The following UST variants were observed in gnomAD, a reference collection of about 807,000 sequenced individuals.
UST encodes the protein uronyl 2-sulfotransferase.
A neutral mutation model predicts 45.6 loss-of-function variants in UST; 21 were observed. The ratio of observed to expected loss-of-function variants is 0.46; its 90% CI spans 0.33 to 0.66. The LOEUF is 0.66. Ranked by LOEUF, UST falls within the 30% of genes least tolerant of loss-of-function variation. The probability of loss-of-function intolerance (pLI) is 0.02; values close to 1 mark genes in which losing one functional copy is unlikely to be tolerated. For missense variants in UST, 463 were observed against 512.4 expected (o/e 0.90, Z 0.93); for synonymous variants, 215 against 200.6 (o/e 1.07, Z -0.61).
At chr6:148,958,217 T>TC (rs1292906897) in intron 4 of UST, among the ~76,000 whole-genome samples, 1 of 152,224 alleles carries the variant, frequency 6.6e-6, no homozygotes, top group Admixed American at 6.5e-5. Flanking sequence ...TTGTCCTGTT[T>TC]CTTCTTTTTC....
chr6:148,829,701 G>T (rs1447900215), intron 1 of UST, among the ~76,000 whole-genome samples: 4 of 152,078 alleles, frequency 2.6e-5, no homozygotes. Context: ...ATGGTTGGGG[G>T]TTCACTTTTA....
chr6:148,824,674 C>CTTTTTTTTTTTTTTT (rs535345402), intron 1 of UST, among the ~76,000 whole-genome samples: 3 of 133,376 alleles, frequency 2.2e-5, no homozygotes, highest in Non-Finnish European at 3.2e-5. Flanking sequence ...TATTTTCTTT[C>CTTTTTTTTTTTTTTT]TTTTTTTTTT....
intron 3 of UST, among the ~76,000 whole-genome samples, chr6:148,943,999 G>A (rs957960150): frequency 3.0e-4 from 45 of 152,178 alleles, no homozygotes; most frequent in African/African-American, 1.0e-3. Flanking sequence ...ACAACATTTA[G>A]AGAAACACTT....
chr6:148,774,269 TTTA>T (rs1424527360), intron 1 of UST, among the ~76,000 whole-genome samples: 2 of 101,146 alleles, frequency 2.0e-5, no homozygotes, highest in African/African-American at 8.5e-5. Context: ...ACAAGGTTAT[TTTA>T]TATATATATA....
At chr6:148,970,086 A>T (rs549509719) in intron 5 of UST, among the ~76,000 whole-genome samples, 9 of 152,242 alleles carry the variant, frequency 5.9e-5, no homozygotes, top group Non-Finnish European at 1.0e-4. Context: ...GCTGCGAAAT[A>T]CATTTGTCCT....
intron 1 of UST, among the ~76,000 whole-genome samples, chr6:148,842,688 T>C (rs1777911962): frequency 1.3e-5 from 2 of 152,174 alleles, no homozygotes; most frequent in South Asian, 4.1e-4. Context: ...TGCTGGAGCA[T>C]TTGATATGTT....
At chr6:148,904,937 C>T (rs1158414096) in intron 2 of UST, among the ~76,000 whole-genome samples, 1 of 152,178 alleles carries the variant, frequency 6.6e-6, no homozygotes, top group Non-Finnish European at 1.5e-5. Context: ...TAGGCAGAAG[C>T]TCAATATTGG....
chr6:148,764,986 G>A (rs113910292), intron 1 of UST, among the ~76,000 whole-genome samples: 5,689 of 152,120 alleles, frequency 0.037, 362 homozygotes, highest in African/African-American at 0.13. Context: ...CATTTTAGAG[G>A]CCCCGCCCTA....
At position 148,960,342 on chromosome 6, in the gene UST, C is replaced by T. The variant is rs190503201; in HGVS notation, c.528-4068C>T. ...TCCGCCTCAGCCACTCCTCACTCTG[C>T]CCCCAAAAGGTCCTGTTCTTTTCCA... On this transcript the variant is annotated intron_variant, in intron 4 of 7. Coordinates refer to ENST00000367463, the MANE Select transcript of UST (RefSeq NM_005715.3). 3.4e-4 allele frequency among the ~76,000 whole-genome samples: 52 copies of T among 152,318 alleles called. 1 individual carries two copies. The East Asian group carries it at 9.6e-3, about 28-fold the overall frequency.
intron 2 of UST, among the ~76,000 whole-genome samples, chr6:148,914,742 C>A (rs1179003998): frequency 6.6e-6 from 1 of 152,106 alleles, no homozygotes; most frequent in Non-Finnish European, 1.5e-5. Context: ...CGTTACAGGC[C>A]ACGGACCAGT....
rs1562281691 is a variant in UST at position 148,865,694 on chromosome 6, GTGTGTGTGTGTGTGTGTGT to G, written c.248-21291_248-21273del. On this transcript the variant is annotated intron_variant, in intron 1 of 7. Coordinates refer to ENST00000367463, the MANE Select transcript of UST (RefSeq NM_005715.3). The stretch of plus-strand genomic sequence containing the variant: ...TGTGTGTGTGTGTGTGTGTGTGTGT[GTGTGTGTGTGTGTGTGTGT>G]GAATTCAGAGAAGAGGCAAATTAAT... 5.1e-3 allele frequency among the ~76,000 whole-genome samples: 774 copies of G among 151,410 alleles called. 8 individuals are homozygous for G. The highest frequency in any genetic ancestry group is 0.018 in the African/African-American group (748 of 41,262).
chr6:148,875,665 G>A (rs1456827604), intron 1 of UST, among the ~76,000 whole-genome samples: 1 of 152,200 alleles, frequency 6.6e-6, no homozygotes, highest in Non-Finnish European at 1.5e-5. Context: ...TTAGCTGGAC[G>A]TGGTGGCACG....
At chr6:148,984,726 T>C in intron 5 of UST, among the ~76,000 whole-genome samples, 1 of 152,122 alleles carries the variant, frequency 6.6e-6, no homozygotes, top group Non-Finnish European at 1.5e-5. Flanking sequence ...CCCAGGCTGG[T>C]CCTGACTCCT....
rs138549672 is a variant in UST, at chr6:148,953,989, T to G, written c.527+38T>G. ...CCAGTTTAATGGTTCTTTCATTTTCTTCTAATGAACAGTTACTTTAGAAAT... is the reference window on the plus strand; with the variant it reads ...CCAGTTTAATGGTTCTTTCATTTTCGTCTAATGAACAGTTACTTTAGAAAT... On this transcript the variant is annotated intron_variant, in intron 4 of 7. Transcript: ENST00000367463. The G allele has an allele frequency of 1.2e-4, 174 of 1,496,610 alleles. No individual in the cohort carries two copies. The African/African-American group carries it at 2.2e-3, about 19-fold the overall frequency. The allele number at this position is 1,496,610 out of a possible 1,614,324, so 92.7% of individuals were successfully genotyped here. A position where few individuals can be genotyped will look rare whatever the true frequency, so the allele number is the denominator to read the frequency against.
chr6:148,858,646 C>T lies in UST; in HGVS notation c.248-28340C>T, dbSNP rs533423608. ...ATATCTCCTAATGCTATCCCTCCCC[C>T]CTTGCCCCACCCCACAACAGGCCCG... On this transcript the variant is annotated intron_variant, in intron 1 of 7. Transcript: ENST00000367463. Among the ~76,000 whole-genome samples, 9 of 152,284 alleles carry T rather than the reference C, an allele frequency of 5.9e-5. No individual in the cohort carries two copies. The East Asian group carries it at 1.7e-3, about 29-fold the overall frequency.
At chr6:148,929,857 G>A (rs1193457083) in intron 2 of UST, among the ~76,000 whole-genome samples, 1 of 152,146 alleles carries the variant, frequency 6.6e-6, no homozygotes, top group Non-Finnish European at 1.5e-5. Flanking sequence ...GAGAGTTGAT[G>A]AATTTTGTAT....
chr6:148,926,503 T>C lies in UST; in HGVS notation c.292-14776T>C, dbSNP rs1306673178. 2.0e-5 allele frequency among the ~76,000 whole-genome samples: 3 copies of C among 152,358 alleles called. No homozygotes were observed. The East Asian group carries it at 5.8e-4, about 29-fold the overall frequency. On this transcript the variant is annotated intron_variant, in intron 2 of 7. Coordinates refer to ENST00000367463, the MANE Select transcript of UST (RefSeq NM_005715.3). ...GGGTCTACCTCTTATCTTCGTTCTCTGTCTTCATTAGCTTGCAGATCTTGG... is the reference window on the plus strand; with the variant it reads ...GGGTCTACCTCTTATCTTCGTTCTCCGTCTTCATTAGCTTGCAGATCTTGG...
At chr6:148,912,705 A>G (rs1008561361) in intron 2 of UST, among the ~76,000 whole-genome samples, 9 of 152,186 alleles carry the variant, frequency 5.9e-5, no homozygotes, top group African/African-American at 9.7e-5. Flanking sequence ...TCCCAAGAGG[A>G]TGTGTTTTAT....
At chr6:148,928,989 T>C (rs151169086) in intron 2 of UST, among the ~76,000 whole-genome samples, 1 of 152,362 alleles carries the variant, frequency 6.6e-6, no homozygotes, top group Non-Finnish European at 1.5e-5. Flanking sequence ...AGGGAGCAGC[T>C]GTGGGGATAT....
Sources: allele counts gnomAD v4.1 joint callset (sites outside exome capture counted in the v4.1 genomes callset), GRCh38; gene constraint gnomAD v4.1.1; transcripts MANE v1.5; gene names NCBI Gene and HGNC (gene_info 2026-07-23, HGNC 2026-07-21).